The following DCUN1D4 variants were observed in gnomAD, a reference collection of about 807,000 sequenced individuals.
DCUN1D4 encodes DCN1-like protein 4.
A neutral mutation model predicts 47.9 loss-of-function variants in DCUN1D4; 22 were observed. That is an observed-to-expected ratio of 0.46 (90% CI 0.33 to 0.66). DCUN1D4 has a LOEUF of 0.66. Ranked by LOEUF, DCUN1D4 falls within the 30% of genes least tolerant of loss-of-function variation. The pLI is 0.02. For synonymous variants in DCUN1D4, 121 were observed against 112.2 expected (o/e 1.08, Z -0.50); for missense variants, 301 against 340.8 (o/e 0.88, Z 0.92).
At chr4:51,837,466 G>C in the DCUN1D4 span, among the ~76,000 whole-genome samples, 54 of 151,788 alleles carry the variant, frequency 3.6e-4, no homozygotes, top group African/African-American at 1.3e-3. Flanking sequence ...AGGAGATCGA[G>C]ACCACGGTGA....
At chr4:51,895,258 G>A (rs1183361969) in intron 7 of DCUN1D4, among the ~76,000 whole-genome samples, 6 of 151,738 alleles carry the variant, frequency 4.0e-5, no homozygotes, top group Admixed American at 1.3e-4. Context: ...AAAGCCCATC[G>A]GCTGTGAAAC....
chr4:51,893,712 G>A (rs890493129), intron 7 of DCUN1D4, among the ~76,000 whole-genome samples: 6 of 152,194 alleles, frequency 3.9e-5, no homozygotes, highest in South Asian at 2.1e-4. Context: ...GTAAGCCACC[G>A]TGCCTGACCA....
At chr4:51,834,938 A>T in the DCUN1D4 span, among the ~76,000 whole-genome samples, 1 of 152,236 alleles carries the variant, frequency 6.6e-6, no homozygotes, top group African/African-American at 2.4e-5. Context: ...TAATCTGCTT[A>T]TCAAGGAAAA....
chr4:51,874,211 G>A (rs1434219352), intron 3 of DCUN1D4, 60 bp from the exon 4 acceptor site: 1 of 1,098,228 alleles, frequency 9.1e-7, no homozygotes, highest in Non-Finnish European at 1.3e-6. Context: ...CTGTTCTTTG[G>A]AAGTACAGAG....
chr4:51,840,603 TA>T (rs528624688), upstream of DCUN1D4, among the ~76,000 whole-genome samples: 232 of 152,370 alleles, frequency 1.5e-3, 1 homozygote, highest in African/African-American at 5.5e-3. Context: ...TATCCAGATC[TA>T]AAATTTCATG....
At chr4:51,859,740 T>G (rs906439210) in intron 1 of DCUN1D4, among the ~76,000 whole-genome samples, 1 of 151,682 alleles carries the variant, frequency 6.6e-6, no homozygotes, top group Non-Finnish European at 1.5e-5. Flanking sequence ...AGGCAAGCTA[T>G]TTATCAAGCA....
intron 1 of DCUN1D4, among the ~76,000 whole-genome samples, chr4:51,860,933 C>T (rs778088110): frequency 6.6e-5 from 10 of 152,180 alleles, no homozygotes; most frequent in Non-Finnish European, 1.0e-4. Context: ...TGATGTAAGG[C>T]GAGAATTGAA....
chr4:51,870,448 A>G (rs985025030), intron 3 of DCUN1D4, among the ~76,000 whole-genome samples: 1 of 152,210 alleles, frequency 6.6e-6, no homozygotes, highest in East Asian at 1.9e-4. Context: ...TGGGGAAAAA[A>G]TCTGAAATGA....
chr4:51,876,476 G>A (rs1010904417), intron 4 of DCUN1D4, among the ~76,000 whole-genome samples: 13 of 151,994 alleles, frequency 8.6e-5, no homozygotes, highest in Non-Finnish European at 1.5e-4. Context: ...GTTAAATGAC[G>A]AGTTAATGAG....
At chr4:51,861,398 C>T (rs980299440) in intron 1 of DCUN1D4, among the ~76,000 whole-genome samples, 3 of 152,070 alleles carry the variant, frequency 2.0e-5, no homozygotes, top group Non-Finnish European at 4.4e-5. Flanking sequence ...CCCAGCTCAC[C>T]GAAGTCCTGG....
upstream of DCUN1D4, among the ~76,000 whole-genome samples, chr4:51,840,059 A>G (rs1721593440): frequency 6.6e-6 from 1 of 152,240 alleles, no homozygotes; most frequent in Non-Finnish European, 1.5e-5. Flanking sequence ...ACTTGCTTCA[A>G]TATTACCTTA....
chr4:51,834,539 T>G, the DCUN1D4 span, among the ~76,000 whole-genome samples: 4 of 152,182 alleles, frequency 2.6e-5, no homozygotes, highest in Non-Finnish European at 5.9e-5. Flanking sequence ...ATTCTCCTTC[T>G]GAGTCTTCAG....
chr4:51,886,673 G>A, intron 6 of DCUN1D4, 35 bp downstream of exon 6: 1 of 1,547,778 alleles, frequency 6.5e-7, no homozygotes, highest in African/African-American at 1.4e-5. Context: ...TGAATCAGTT[G>A]GTTGTTTTTC....
chr4:51,854,439 C>T (rs1421527623), intron 1 of DCUN1D4, among the ~76,000 whole-genome samples: 1 of 152,184 alleles, frequency 6.6e-6, no homozygotes, highest in East Asian at 1.9e-4. Flanking sequence ...GACTTGTGAT[C>T]TGACCTGCCT....
In DCUN1D4 at chr4:51,891,774, C is replaced by T; in HGVS notation, c.429C>T (p.Val143=). The part of the protein sequence containing the change: ...GVEPENVVML[V]LAWKLDAQNM... ...TTTTTTAACAGGTAGTTATGCTTGT[C>T]CTAGCTTGGAAATTGGATGCACAAA... is the stretch of plus-strand genomic sequence containing the variant. The change falls in exon 7 of 11, where the codon GTC becomes GTT. Residue 143 remains valine (V), a synonymous_variant. Transcript: ENST00000334635. The T allele has an allele frequency of 6.2e-7, 1 of 1,609,924 alleles. No homozygotes were observed. The highest frequency in any genetic ancestry group is 1.3e-5 in the African/African-American group (1 of 74,408).
At position 51,881,760 on chromosome 4, in the gene DCUN1D4, G is replaced by T. The variant is rs563795271; in HGVS notation, c.343+3906G>T. Among the ~76,000 whole-genome samples the T allele has an allele frequency of 1.1e-3, 160 of 151,624 alleles. 2 individuals carry two copies. The highest frequency in any genetic ancestry group is 5.7e-4 in the Non-Finnish European group (39 of 67,968). ...CAGTGGTGTATTTGTTAGCTTGCTT[G>T]ACAGAGGTAATTACCTTAATTCTAC... On this transcript the variant is annotated intron_variant, in intron 5 of 10. Coordinates refer to ENST00000334635, the MANE Select transcript of DCUN1D4 (RefSeq NM_001040402.3).
chr4:51,848,154 T>G, intron 1 of DCUN1D4: 1 of 1,266,940 alleles, frequency 7.9e-7, no homozygotes, highest in Non-Finnish European at 1.0e-6. Flanking sequence ...TTGCATTTTT[T>G]AGACAAAGTC....
intron 4 of DCUN1D4, chr4:51,875,444 A>G (rs549654250): frequency 1.3e-5 from 2 of 152,346 alleles, no homozygotes; most frequent in African/African-American, 2.4e-5. Context: ...ATAAAGCCAG[A>G]TTTGAAACTG....
chr4:51,869,111 G>T, intron 3 of DCUN1D4, among the ~76,000 whole-genome samples: 1 of 113,690 alleles, frequency 8.8e-6, no homozygotes, highest in African/African-American at 3.9e-5. Context: ...GCTACAGAGG[G>T]AGACTCCATC....
Sources: allele counts gnomAD v4.1 joint callset (sites outside exome capture counted in the v4.1 genomes callset), GRCh38; gene constraint gnomAD v4.1.1; transcripts MANE v1.5; gene names NCBI Gene and HGNC (gene_info 2026-07-23, HGNC 2026-07-21).